RTN4RL1: variants seen among roughly 807,000 people sequenced by gnomAD.
The protein encoded by RTN4RL1 is reticulon-4 receptor-like 1.
RTN4RL1 carries 7 observed loss-of-function variants against 25.6 expected under a neutral mutation model. The observed-to-expected ratio is 0.27, with a 90% CI of 0.16 to 0.51. The LOEUF (loss-of-function observed/expected upper bound fraction) is 0.51, where lower values mean the gene tolerates loss of function less well. Ranked by LOEUF, RTN4RL1 falls within the 20% of genes least tolerant of loss-of-function variation. The pLI is 0.97. For missense variants in RTN4RL1, 500 were observed against 615.6 expected (o/e 0.81, Z 1.99); for synonymous variants, 297 against 288.2 (o/e 1.03, Z -0.31).
chr17:1,992,810 C>T (rs1055820199), intron 1 of RTN4RL1, among the ~76,000 whole-genome samples: 3 of 152,234 alleles, frequency 2.0e-5, no homozygotes, highest in Non-Finnish European at 2.9e-5. Context: ...TTGCCATCGT[C>T]GCCCACGTGT....
At chr17:1,957,131 C>A (rs551569603) in intron 1 of RTN4RL1, among the ~76,000 whole-genome samples, 2 of 152,348 alleles carry the variant, frequency 1.3e-5, no homozygotes, top group African/African-American at 4.8e-5. Context: ...GAATGAACAT[C>A]TTTGTGCTCA....
In RTN4RL1 at chr17:1,941,032, T is replaced by A. The variant is rs529031416; in HGVS notation, c.14-3224A>T. Among the ~76,000 whole-genome samples the A allele has an allele frequency of 1.1e-4, 17 of 152,226 alleles. No individual in the cohort carries two copies. The East Asian group carries it at 3.3e-3, about 29-fold the overall frequency. Reference sequence around the variant, plus strand: ...GGCTCAGCGCTAATCCCACTCGACATTTGCACAGCTTACTGGAGTTTACAA... The same window carrying A: ...GGCTCAGCGCTAATCCCACTCGACAATTGCACAGCTTACTGGAGTTTACAA... On this transcript the variant is annotated intron_variant, in intron 1 of 1. Coordinates refer to ENST00000331238, the MANE Select transcript of RTN4RL1 (RefSeq NM_178568.4).
chr17:1,986,782 G>A (rs1567517385), intron 1 of RTN4RL1, among the ~76,000 whole-genome samples: 1 of 149,618 alleles, frequency 6.7e-6, no homozygotes, highest in Admixed American at 6.7e-5. Flanking sequence ...GAGTCACAGA[G>A]CCAGGAGTCA....
At chr17:1,968,804 C>T (rs2066804824) in intron 1 of RTN4RL1, among the ~76,000 whole-genome samples, 2 of 152,232 alleles carry the variant, frequency 1.3e-5, no homozygotes, top group South Asian at 4.1e-4. Flanking sequence ...GGGGATTGTC[C>T]CCCTTTGGGG....
At chr17:1,946,381 C>T (rs980931129) in intron 1 of RTN4RL1, among the ~76,000 whole-genome samples, 2 of 152,240 alleles carry the variant, frequency 1.3e-5, no homozygotes, top group Admixed American at 6.5e-5. Context: ...GCCAGGAGGC[C>T]GGCCTGGGCC....
chr17:1,978,756 C>G (rs1388032137), intron 1 of RTN4RL1, among the ~76,000 whole-genome samples: 2 of 152,218 alleles, frequency 1.3e-5, no homozygotes, highest in African/African-American at 2.4e-5. Flanking sequence ...CCTTTGGGAA[C>G]TGGAAGCTGT....
chr17:1,978,640 G>GC (rs77424791), intron 1 of RTN4RL1, among the ~76,000 whole-genome samples: 3 of 152,052 alleles, frequency 2.0e-5, no homozygotes, highest in African/African-American at 4.8e-5. Context: ...AAATGGGGGG[G>GC]GTGGAGGGTG....
chr17:1,974,719 T>C (rs546296971), intron 1 of RTN4RL1, among the ~76,000 whole-genome samples: 1 of 61,266 alleles, frequency 1.6e-5, no homozygotes, highest in East Asian at 4.8e-4. Flanking sequence ...CCTGTGGGGG[T>C]GGGGAGGGGG....
At chr17:1,959,705 C>A (rs1263152855) in intron 1 of RTN4RL1, among the ~76,000 whole-genome samples, 1 of 152,190 alleles carries the variant, frequency 6.6e-6, no homozygotes, top group Non-Finnish European at 1.5e-5. Flanking sequence ...GCTGGGATTA[C>A]AGGCACCCGC....
intron 1 of RTN4RL1, among the ~76,000 whole-genome samples, chr17:1,957,323 C>T (rs1380399542): frequency 1.3e-5 from 2 of 152,140 alleles, no homozygotes; most frequent in Non-Finnish European, 2.9e-5. Context: ...GTTTGCCTTC[C>T]CAACTGGCCC....
intron 1 of RTN4RL1, among the ~76,000 whole-genome samples, chr17:1,971,218 G>A (rs2066817183): frequency 6.6e-6 from 1 of 152,122 alleles, no homozygotes. Context: ...GAGATCTGAT[G>A]GTTTATACGT....
chr17:1,966,159 G>A (rs909393098), intron 1 of RTN4RL1, among the ~76,000 whole-genome samples: 1 of 152,172 alleles, frequency 6.6e-6, no homozygotes, highest in Non-Finnish European at 1.5e-5. Context: ...TTCCCCACCA[G>A]CGCCTAATTA....
chr17:1,973,129 G>A (rs2066827650), intron 1 of RTN4RL1, among the ~76,000 whole-genome samples: 1 of 152,166 alleles, frequency 6.6e-6, no homozygotes, highest in African/African-American at 2.4e-5. Context: ...TTGGGACGCT[G>A]AGGCAGGCAC....
At chr17:1,965,355 G>A (rs539779739) in intron 1 of RTN4RL1, among the ~76,000 whole-genome samples, 3 of 152,000 alleles carry the variant, frequency 2.0e-5, no homozygotes, top group South Asian at 2.1e-4. Context: ...CAGGTGATCC[G>A]CCCACCTCGG....
intron 1 of RTN4RL1, among the ~76,000 whole-genome samples, chr17:1,999,315 G>A (rs1433617629): frequency 6.6e-6 from 1 of 151,868 alleles, no homozygotes; most frequent in African/African-American, 2.4e-5. Context: ...GCGTGGTGGC[G>A]CGCGCCTGTG....
intron 1 of RTN4RL1, among the ~76,000 whole-genome samples, chr17:1,966,690 G>A (rs899398599): frequency 1.3e-5 from 2 of 152,176 alleles, no homozygotes; most frequent in African/African-American, 4.8e-5. Context: ...GATGTTGGGT[G>A]TGGAGGCTCC....
chr17:1,996,551 A>G (rs762551685), intron 1 of RTN4RL1, among the ~76,000 whole-genome samples: 5 of 152,126 alleles, frequency 3.3e-5, no homozygotes, highest in Non-Finnish European at 5.9e-5. Context: ...TTGCCTTATC[A>G]GCCTTGCTTT....
intron 1 of RTN4RL1, among the ~76,000 whole-genome samples, chr17:1,941,113 G>C (rs1915429571): frequency 6.6e-6 from 1 of 152,180 alleles, no homozygotes; most frequent in African/African-American, 2.4e-5. Flanking sequence ...GCTGGGGTGT[G>C]GGGAGCCCTC....
chr17:1,969,076 T>TTTTTTTTTG (rs61241564), intron 1 of RTN4RL1, among the ~76,000 whole-genome samples: 1 of 149,062 alleles, frequency 6.7e-6, no homozygotes. Flanking sequence ...TTTTTTTTTT[T>TTTTTTTTTG]GAGATGGAGT....
Sources: allele counts gnomAD v4.1 joint callset (sites outside exome capture counted in the v4.1 genomes callset), GRCh38; gene constraint gnomAD v4.1.1; transcripts MANE v1.5; gene names NCBI Gene and HGNC (gene_info 2026-07-23, HGNC 2026-07-21).